Variants in GLYATL3 observed in about 807,000 individuals in gnomAD.
GLYATL3 encodes the protein glycine N-acyltransferase-like protein 3.
GLYATL3 carries 31 observed loss-of-function variants against 28.5 expected under a neutral mutation model. The ratio of observed to expected loss-of-function variants is 1.09; its 90% CI spans 0.82 to 1.47. The LOEUF (loss-of-function observed/expected upper bound fraction) is 1.47. Ranked by LOEUF, GLYATL3 falls within the 40% of genes most tolerant of loss-of-function variation. The pLI is 0.00. For synonymous variants in GLYATL3, 141 were observed against 140.2 expected (o/e 1.01, Z -0.04); for missense variants, 369 against 351.5 (o/e 1.05, Z -0.40).
At chr6:49,524,623 T>A (rs1034043400) in intron 5 of GLYATL3, among the ~76,000 whole-genome samples, 1 of 152,120 alleles carries the variant, frequency 6.6e-6, no homozygotes, top group Non-Finnish European at 1.5e-5. Flanking sequence ...ATACAAATAC[T>A]GCCAATGGAA....
chr6:49,508,557 C>A (rs935199970), intron 1 of GLYATL3, among the ~76,000 whole-genome samples: 1 of 152,076 alleles, frequency 6.6e-6, no homozygotes, highest in Non-Finnish European at 1.5e-5. Flanking sequence ...TGGACAGGTG[C>A]CCCTCATGCA....
intron 1 of GLYATL3, among the ~76,000 whole-genome samples, chr6:49,504,781 C>T (rs550448321): frequency 3.3e-5 from 5 of 151,958 alleles, no homozygotes; most frequent in South Asian, 2.1e-4. Flanking sequence ...GTCTGTTTTG[C>T]GCTCACTAAG....
intron 1 of GLYATL3, among the ~76,000 whole-genome samples, chr6:49,503,626 A>G (rs912598357): frequency 1.3e-5 from 2 of 152,258 alleles, no homozygotes; most frequent in Non-Finnish European, 2.9e-5. Context: ...GAATTAAATA[A>G]CACACTCCTT....
chr6:49,522,158 T>C (rs770597611), intron 5 of GLYATL3, among the ~76,000 whole-genome samples: 3 of 152,176 alleles, frequency 2.0e-5, no homozygotes, highest in Non-Finnish European at 2.9e-5. Context: ...GGTATATAGC[T>C]GACTTATGTT....
intron 3 of GLYATL3, among the ~76,000 whole-genome samples, chr6:49,516,608 T>C (rs1206565973): frequency 6.6e-6 from 1 of 151,834 alleles, no homozygotes; most frequent in African/African-American, 2.4e-5. Flanking sequence ...ATAAACAAAA[T>C]CCTAGAAAAA....
intron 5 of GLYATL3, among the ~76,000 whole-genome samples, chr6:49,522,517 G>C (rs1769333196): frequency 6.6e-6 from 1 of 151,964 alleles, no homozygotes; most frequent in Non-Finnish European, 1.5e-5. Flanking sequence ...AATAATAATT[G>C]TACACATTCA....
chr6:49,500,274 G>A lies in GLYATL3; in HGVS notation c.-29+232G>A, dbSNP rs1265690719. Among the ~76,000 whole-genome samples, 4 of 152,182 alleles carry A rather than the reference G, an allele frequency of 2.6e-5. No individual in the cohort carries two copies. In the East Asian group the frequency reaches 7.7e-4, roughly 29 times the overall value. ...AATTTTTACTCTTAAATTTTGATGTGAGGAAAATAAGTATTACCAAGTATA... is the reference window on the plus strand; with the variant it reads ...AATTTTTACTCTTAAATTTTGATGTAAGGAAAATAAGTATTACCAAGTATA... On this transcript the variant is annotated intron_variant, in intron 1 of 5. Transcript: ENST00000371197.
At chr6:49,522,891 A>T (rs1769341263) in intron 5 of GLYATL3, among the ~76,000 whole-genome samples, 1 of 152,162 alleles carries the variant, frequency 6.6e-6, no homozygotes, top group Non-Finnish European at 1.5e-5. Context: ...TAATTCATAC[A>T]ACTATATATT....
intron 5 of GLYATL3, among the ~76,000 whole-genome samples, chr6:49,523,613 G>A (rs1421212887): frequency 2.0e-5 from 3 of 152,170 alleles, no homozygotes; most frequent in African/African-American, 4.8e-5. Flanking sequence ...TTTTAAGGGC[G>A]ATGGCCTCAA....
chr6:49,509,937 G>A (rs936854112), intron 1 of GLYATL3, among the ~76,000 whole-genome samples: 10 of 102,872 alleles, frequency 9.7e-5, no homozygotes, highest in African/African-American at 1.6e-4. Flanking sequence ...TATATTTTAC[G>A]TATTTTCTTT....
chr6:49,506,282 C>G lies in GLYATL3; in HGVS notation c.-28-5681C>G, dbSNP rs563873146. 3.9e-5 allele frequency among the ~76,000 whole-genome samples: 6 copies of G among 152,198 alleles called. No individual in the cohort carries two copies. The South Asian group carries it at 1.2e-3, about 32-fold the overall frequency. On this transcript the variant is annotated intron_variant, in intron 1 of 5. Transcript: ENST00000371197. ...GAGGTAAAACATTGAATTAATTCAT[C>G]TTTAGTGGGGGCAGCAATTAGTATA...
chr6:49,507,861 T>C (rs368505336), intron 1 of GLYATL3, among the ~76,000 whole-genome samples: 1 of 152,168 alleles, frequency 6.6e-6, no homozygotes, highest in Non-Finnish European at 1.5e-5. Context: ...GCATTTCTTA[T>C]TAAGTTTAGT....
intron 1 of GLYATL3, among the ~76,000 whole-genome samples, chr6:49,505,040 C>A (rs9357618): frequency 0.53 from 80,077 of 151,842 alleles, 22,539 homozygotes; most frequent in Non-Finnish European, 0.65. Flanking sequence ...CAGTGTTGTA[C>A]AATTTGTTTA....
intron 1 of GLYATL3, among the ~76,000 whole-genome samples, chr6:49,500,565 T>G (rs1308435342): frequency 6.6e-6 from 1 of 152,194 alleles, no homozygotes; most frequent in Non-Finnish European, 1.5e-5. Flanking sequence ...ATAAAATATT[T>G]TAGATGCTTG....
Position 49,526,879 on chromosome 6 carries a change from A to T in GLYATL3, c.832A>T (p.Thr278Ser), listed in dbSNP as rs1561981440. The change falls in exon 6 of 6, where the codon ACC becomes TCC. Residue 278 changes from threonine to serine, a missense_variant. Physicochemically the swap from Thr to Ser is moderately conservative, Grantham distance 58. Coordinates refer to ENST00000371197, the MANE Select transcript of GLYATL3 (RefSeq NM_001010904.2). Reference sequence around the variant, plus strand: ...TTGTCGCTTCCACAGGCTTATTCTCACCCCTGCGACTTTCTCTGGCCTGCC... The same window carrying T: ...TTGTCGCTTCCACAGGCTTATTCTCTCCCCTGCGACTTTCTCTGGCCTGCC... ...LPCRFHRLIL[T>S]PATFSGLPHL 8.4e-6 allele frequency: 13 copies of T among 1,539,872 alleles called. No individual in the cohort carries two copies. The highest frequency in any genetic ancestry group is 1.7e-4 in the Middle Eastern group (1 of 5,930).
At chr6:49,513,473 T>A (rs569050486) in intron 2 of GLYATL3, among the ~76,000 whole-genome samples, 1 of 152,224 alleles carries the variant, frequency 6.6e-6, no homozygotes, top group Admixed American at 6.5e-5. Context: ...ATTGAAAGGG[T>A]TTTTGCCTTT....
chr6:49,527,146 G>A lies in GLYATL3; in HGVS notation c.*232G>A, dbSNP rs2127242378. 1.0e-5 allele frequency: 5 copies of A among 496,720 alleles called. No individual in the cohort carries two copies. Among genetic ancestry groups the A allele is most frequent in the Middle Eastern group, 5.1e-4 (1 of 1,964 alleles). 30.8% of individuals were successfully genotyped at this position (496,720 alleles called of 1,614,324 possible). Reference sequence around the variant, plus strand: ...CTGTGGCTGAAGACTGAGGACGATTGTCCTCCTGTAGGATCCACTGTAGGA... The same window carrying A: ...CTGTGGCTGAAGACTGAGGACGATTATCCTCCTGTAGGATCCACTGTAGGA... On this transcript the variant is annotated 3_prime_UTR_variant, in exon 6 of 6. Transcript: ENST00000371197.
chr6:49,508,101 C>A (rs1055864304), intron 1 of GLYATL3, among the ~76,000 whole-genome samples: 5 of 151,992 alleles, frequency 3.3e-5, no homozygotes, highest in African/African-American at 1.2e-4. Context: ...TCAAGACCAT[C>A]CTGGCTAACA....
intron 4 of GLYATL3, among the ~76,000 whole-genome samples, chr6:49,519,773 T>C (rs1216260819): frequency 1.3e-5 from 2 of 152,190 alleles, no homozygotes; most frequent in Non-Finnish European, 2.9e-5. Flanking sequence ...TAATGAACAA[T>C]ATTAAATCAT....
Sources: gnomAD v4.1 joint callset for allele counts (sites outside exome capture counted in the v4.1 genomes callset) on GRCh38, gnomAD v4.1.1 for gene constraint, MANE v1.5 for transcripts, NCBI Gene and HGNC (gene_info 2026-07-23, HGNC 2026-07-21) for gene names.